Variants in NPHP4 observed in about 807,000 individuals in gnomAD.
The protein encoded by NPHP4 is nephrocystin-4.
In NPHP4, 151 loss-of-function variants were observed where a neutral mutation model predicts 155.8. The observed-to-expected ratio is 0.97, with a 90% CI of 0.85 to 1.11. The LOEUF (loss-of-function observed/expected upper bound fraction) is 1.11. Among genes scored for constraint, NPHP4 ranks in the 50% least tolerant of loss-of-function variants. The pLI is 0.00. For missense variants in NPHP4, 1,956 were observed against 1,925.7 expected (o/e 1.02, Z -0.29); for synonymous variants, 845 against 816.8 (o/e 1.03, Z -0.59).
At chr1:5,895,792 T>A (rs1644365386) in intron 16 of NPHP4, among the ~76,000 whole-genome samples, 1 of 152,206 alleles carries the variant, frequency 6.6e-6, no homozygotes, top group Non-Finnish European at 1.5e-5. Context: ...CAAACGTCTA[T>A]TAGGAGACCG....
At position 5,929,211 on chromosome 1, in the gene NPHP4, A is replaced by T. The variant is rs145859703; in HGVS notation, c.1303-1424T>A. ...AAGGACTTTTTTGTAGACTCCTCAG[A>T]ATCTTTGGCATAGACAATCACGTTT... is the stretch of plus-strand genomic sequence containing the variant. On this transcript the variant is annotated intron_variant, in intron 10 of 29. Transcript: ENST00000378156. Among the ~76,000 whole-genome samples the T allele has an allele frequency of 4.6e-5, 7 of 152,316 alleles. No individual in the cohort carries two copies. In the East Asian group the frequency reaches 1.3e-3, roughly 29 times the overall value.
At position 5,867,190 on chromosome 1, in the gene NPHP4, CACTATAGG is replaced by C. The variant is rs1641329330; in HGVS notation, c.3473-83_3473-76del. On this transcript the variant is annotated intron_variant, in intron 24 of 29. Coordinates refer to ENST00000378156, the MANE Select transcript of NPHP4 (RefSeq NM_015102.5). This position sits in a 1 kb window ranked among gnomAD's most constrained non-coding sequence, Gnocchi z 4.1. The stretch of plus-strand genomic sequence containing the variant: ...TGTGGAGAAGGCCCCACACATTACA[CACTATAGG>C]ACAGGACAGGCTCGTCACAGGTGCT... 19 of 1,114,308 alleles carry C rather than the reference CACTATAGG, an allele frequency of 1.7e-5. No individual in the cohort carries two copies. Among genetic ancestry groups the C allele is most frequent in the Non-Finnish European group, 2.4e-5 (18 of 753,622 alleles). The allele number at this position is 1,114,308 out of a possible 1,614,324, so 69.0% of individuals were successfully genotyped here. A position where few individuals can be genotyped will look rare whatever the true frequency, so the allele number is the denominator to read the frequency against.
At chr1:5,918,827 T>G (rs1645596733) in intron 11 of NPHP4, among the ~76,000 whole-genome samples, 1 of 152,170 alleles carries the variant, frequency 6.6e-6, no homozygotes, top group African/African-American at 2.4e-5. Context: ...CCAATAACCA[T>G]GAAAAGAAAT....
chr1:5,929,037 T>C (rs1373477913), intron 10 of NPHP4, among the ~76,000 whole-genome samples: 4 of 152,252 alleles, frequency 2.6e-5, no homozygotes, highest in Non-Finnish European at 5.9e-5. Flanking sequence ...TTGTTAGATT[T>C]AGTTCATGGA....
rs1479758700 is a variant in NPHP4 at position 5,873,314 on chromosome 1, C to G, written c.3253G>C (p.Glu1085Gln). ...GGTGACACGGCGTCCATGCCCTTCT[C>G]GTTGCTCAACCCAGGAGAGGCCTGC... ...MVQASPGLSN[E>Q]KGMDAVSPWK... Residue 1085 changes from glutamate to glutamine, a missense_variant, in exon 23 of 30, where the codon GAG becomes CAG. Coordinates refer to ENST00000378156, the MANE Select transcript of NPHP4 (RefSeq NM_015102.5). The G allele has an allele frequency of 6.2e-7, 1 of 1,613,978 alleles. No homozygotes were observed. Among genetic ancestry groups the G allele is most frequent in the Non-Finnish European group, 8.5e-7 (1 of 1,179,870 alleles).
intron 3 of NPHP4, among the ~76,000 whole-genome samples, chr1:5,972,960 C>T (rs1652852661): frequency 6.6e-6 from 1 of 152,108 alleles, no homozygotes; most frequent in African/African-American, 2.4e-5. Context: ...TCTCAGCTCA[C>T]TGCAACCTCC....
In NPHP4 at chr1:5,892,714, CTGAGACAAG is replaced by C; in HGVS notation, c.2144-1695_2144-1687del. On this transcript the variant is annotated intron_variant, in intron 16 of 29. Coordinates refer to ENST00000378156, the MANE Select transcript of NPHP4 (RefSeq NM_015102.5). This position sits in a 1 kb window ranked among gnomAD's most constrained non-coding sequence, Gnocchi z 4.5. The stretch of plus-strand genomic sequence containing the variant: ...TCAGACCTCTCCCCTCCCTGTCCAG[CTGAGACAAG>C]TGGCTCCTCCGTGGCCACCCCTGAG... 6.6e-6 allele frequency among the ~76,000 whole-genome samples: 1 copy of C among 152,208 alleles called. No individual in the cohort carries two copies. Among genetic ancestry groups the C allele is most frequent in the East Asian group, 1.9e-4 (1 of 5,182 alleles).
intron 16 of NPHP4, among the ~76,000 whole-genome samples, chr1:5,902,842 G>A (rs542658709): frequency 5.9e-4 from 90 of 152,240 alleles, no homozygotes; most frequent in Middle Eastern, 3.4e-3. Context: ...TTGACTCATG[G>A]AATAATTAGA....
intron 22 of NPHP4, 42 bp from the exon 23 acceptor site, chr1:5,873,377 C>G: frequency 6.6e-7 from 1 of 1,515,616 alleles, no homozygotes; most frequent in Non-Finnish European, 9.2e-7. Context: ...GAAGCAACAC[C>G]ATTAGGCGAC....
intron 9 of NPHP4, among the ~76,000 whole-genome samples, chr1:5,934,864 G>A (rs913925578): frequency 6.6e-6 from 1 of 152,216 alleles, no homozygotes; most frequent in Admixed American, 6.5e-5. Context: ...GGGAGCGAAG[G>A]AGGAGGCAAG....
At chr1:5,922,567 C>T (rs1415783916) in intron 11 of NPHP4, among the ~76,000 whole-genome samples, 2 of 152,030 alleles carry the variant, frequency 1.3e-5, no homozygotes, top group Non-Finnish European at 2.9e-5. Flanking sequence ...TAAAAAATAA[C>T]CCCAGCATTT....
intron 8 of NPHP4, among the ~76,000 whole-genome samples, chr1:5,947,778 C>T (rs773692353): frequency 1.3e-5 from 2 of 152,124 alleles, no homozygotes; most frequent in Non-Finnish European, 1.5e-5. Flanking sequence ...TCACAGGGCA[C>T]GCCTAGAAGG....
rs971589206 is a variant in NPHP4, at chr1:5,867,585, C to T, written c.3472+155G>A. 3.9e-6 allele frequency: 3 copies of T among 760,390 alleles called. No homozygotes were observed. In the African/African-American group the frequency reaches 5.3e-5, roughly 13 times the overall value. The allele number at this position is 760,390 out of a possible 1,614,324, so 47.1% of individuals were successfully genotyped here. The stretch of plus-strand genomic sequence containing the variant: ...GTGGCAAGAGGGACACCGTTTCAAA[C>T]CATAAAGGCAGGAGAGAGAATTCCC... On this transcript the variant is annotated intron_variant, in intron 24 of 29. Coordinates refer to ENST00000378156, the MANE Select transcript of NPHP4 (RefSeq NM_015102.5). This position sits in a 1 kb window ranked among gnomAD's most constrained non-coding sequence, Gnocchi z 4.1.
At chr1:5,949,047 T>C (rs1022497277) in intron 7 of NPHP4, among the ~76,000 whole-genome samples, 1 of 152,212 alleles carries the variant, frequency 6.6e-6, no homozygotes, top group African/African-American at 2.4e-5. Flanking sequence ...AATAAAACTA[T>C]GCAGATAACT....
Position 5,863,071 on chromosome 1 carries a change from C to G in NPHP4, c.*194G>C, listed in dbSNP as rs754668646. The G allele has an allele frequency of 1.3e-5, 8 of 621,900 alleles. No individual in the cohort carries two copies. Among genetic ancestry groups the G allele is most frequent in the Non-Finnish European group, 2.3e-5 (8 of 349,576 alleles). The allele number at this position is 621,900 out of a possible 1,614,324, so 38.5% of individuals were successfully genotyped here. A position where few individuals can be genotyped will look rare whatever the true frequency, so the allele number is the denominator to read the frequency against. ...GGAACCCAGGCCTGCTGGGTGTCAG[C>G]AGCAGCTAAGCTGGATGCAGGTACT... On this transcript the variant is annotated 3_prime_UTR_variant, in exon 30 of 30. Transcript: ENST00000378156.
intron 11 of NPHP4, among the ~76,000 whole-genome samples, chr1:5,916,150 A>G (rs1645458505): frequency 2.0e-5 from 3 of 152,216 alleles, no homozygotes; most frequent in African/African-American, 7.2e-5. Context: ...CCAAGTTACA[A>G]AAAAATAAAG....
At chr1:5,884,885 A>C (rs1472954575) in intron 18 of NPHP4, among the ~76,000 whole-genome samples, 1 of 142,164 alleles carries the variant, frequency 7.0e-6, no homozygotes, top group African/African-American at 2.7e-5. Context: ...CTACTCCACG[A>C]CCAAGATAAC....
intron 9 of NPHP4, among the ~76,000 whole-genome samples, chr1:5,936,537 A>G (rs1047038619): frequency 8.5e-5 from 13 of 152,226 alleles, no homozygotes; most frequent in Admixed American, 6.5e-4. Flanking sequence ...AAAAAGCCCC[A>G]AATACACCGA....
At chr1:5,912,722 C>A (rs1262664226) in intron 11 of NPHP4, among the ~76,000 whole-genome samples, 3 of 152,088 alleles carry the variant, frequency 2.0e-5, no homozygotes, top group Non-Finnish European at 4.4e-5. Context: ...TAAGACACAC[C>A]TGTAGGTCCC....
Sources: gnomAD v4.1 joint callset for allele counts (sites outside exome capture counted in the v4.1 genomes callset) on GRCh38, gnomAD v4.1.1 for gene constraint, Gnocchi (gnomAD v3.1) non-coding constraint, MANE v1.5 for transcripts, NCBI Gene and HGNC (gene_info 2026-07-23, HGNC 2026-07-21) for gene names.